The following DCLK1 variants were observed in gnomAD, a reference collection of about 807,000 sequenced individuals.
DCLK1 encodes doublecortin like kinase 1.
DCLK1 carries 16 observed loss-of-function variants against 86.2 expected under a neutral mutation model. The observed-to-expected ratio is 0.19, with a 90% confidence interval of 0.13 to 0.28. The LOEUF is 0.28. Among genes scored for constraint, DCLK1 ranks in the 10% least tolerant of loss-of-function variants. DCLK1 has a pLI of 1.00. For synonymous variants in DCLK1, 369 were observed against 370.5 expected, an observed-to-expected ratio of 1.00 and a Z score of 0.05; for missense variants, 590 against 940.2, an observed-to-expected ratio of 0.63 and a Z score of 4.87.
At chr13:35,848,038 C>CT (rs1305139537) in intron 6 of DCLK1, 2 of 985,136 alleles carry the variant, frequency 2.0e-6, no homozygotes, top group Non-Finnish European at 2.4e-6. Flanking sequence ...TTCCTAATAT[C>CT]TTTTTCTACA....
chr13:35,844,427 G>A (rs912042810), intron 6 of DCLK1, among the ~76,000 whole-genome samples: 5 of 152,102 alleles, frequency 3.3e-5, no homozygotes, highest in African/African-American at 4.8e-5. Context: ...TAGTTTTTCT[G>A]GCCTCAATTG....
intron 3 of DCLK1, among the ~76,000 whole-genome samples, chr13:36,086,396 C>T (rs1884600829): frequency 6.6e-6 from 1 of 151,540 alleles, no homozygotes; most frequent in African/African-American, 2.4e-5. Flanking sequence ...AGAAGTCAGC[C>T]TCAGACAACA....
intron 15 of DCLK1, among the ~76,000 whole-genome samples, chr13:35,803,124 G>A (rs58764008): frequency 0.026 from 3,932 of 152,302 alleles, 63 homozygotes; most frequent in African/African-American, 0.043. Flanking sequence ...GGGTGAAAGT[G>A]AGGATATCTG....
chr13:36,049,200 T>C (rs931416223), intron 3 of DCLK1, among the ~76,000 whole-genome samples: 4 of 152,180 alleles, frequency 2.6e-5, no homozygotes, highest in African/African-American at 7.2e-5. Context: ...AGATGCAGGA[T>C]TGAAGAGCCT....
rs1290371796 is a variant in DCLK1, at chr13:36,122,071, T to G, written c.376+3691A>C. The stretch of plus-strand genomic sequence containing the variant: ...AAAATTAATTTTAAAAAATTCATTA[T>G]AGCAAGGAGAGGCATAGAGAAAGCC... On this transcript the variant is annotated intron_variant, in intron 2 of 16. Transcript: ENST00000360631. Among the ~76,000 whole-genome samples, 4 of 152,216 alleles carry G rather than the reference T, an allele frequency of 2.6e-5. No homozygotes were observed. In the East Asian group the frequency reaches 7.7e-4, roughly 29 times the overall value.
chr13:36,107,228 C>T (rs184189324), intron 3 of DCLK1, among the ~76,000 whole-genome samples: 56 of 152,002 alleles, frequency 3.7e-4, no homozygotes, highest in African/African-American at 1.0e-3. Flanking sequence ...GGCTTACCAT[C>T]GAAATCAGTT....
Position 36,126,020 on chromosome 13 carries a change from T to C in DCLK1, c.118A>G (p.Ser40Gly). Residue 40 changes from serine to glycine, a missense_variant, in exon 2 of 17, where the codon AGC (serine) becomes GGC (glycine). Around this residue, in one of 6 missense-constraint regions of DCLK1, gnomAD observed 195 missense variants for 365.1 expected, o/e 0.53. Coordinates refer to ENST00000360631, the MANE Select transcript of DCLK1 (RefSeq NM_001330071.2). ...TGCAGCGTGCGGGTGCGGTAGAAGC[T>C]GCAGTGGGCGCTGTGCGTCGGGCTC... ...LPSPTHSAHC[S>G]FYRTRTLQTL... is the part of the protein sequence containing the mutation. 6.2e-7 allele frequency: 1 copy of C among 1,614,010 alleles called. No homozygotes were observed. Among genetic ancestry groups the C allele is most frequent in the Non-Finnish European group, 8.5e-7 (1 of 1,180,010 alleles).
chr13:35,966,649 C>A (rs923823209), intron 3 of DCLK1, among the ~76,000 whole-genome samples: 15 of 151,940 alleles, frequency 9.9e-5, no homozygotes, highest in Non-Finnish European at 1.9e-4. Context: ...GGATTGCAGG[C>A]GCGCACCGCC....
At chr13:36,068,104 A>C (rs749061837) in intron 3 of DCLK1, among the ~76,000 whole-genome samples, 1 of 152,196 alleles carries the variant, frequency 6.6e-6, no homozygotes, top group Non-Finnish European at 1.5e-5. Context: ...AATCCACAAG[A>C]CATCTTTCCA....
intron 3 of DCLK1, among the ~76,000 whole-genome samples, chr13:35,990,060 G>C (rs1880152190): frequency 6.6e-6 from 1 of 152,016 alleles, no homozygotes; most frequent in Non-Finnish European, 1.5e-5. Flanking sequence ...AATTATATCT[G>C]AAGGTGGCAC....
intron 3 of DCLK1, among the ~76,000 whole-genome samples, chr13:36,031,508 C>T (rs536998795): frequency 1.3e-4 from 20 of 152,260 alleles, no homozygotes; most frequent in African/African-American, 4.3e-4. Context: ...TCATCAAATG[C>T]GATTTTAAAA....
At chr13:35,890,812 T>G (rs1408849640) in intron 4 of DCLK1, among the ~76,000 whole-genome samples, 2 of 151,926 alleles carry the variant, frequency 1.3e-5, no homozygotes, top group Non-Finnish European at 2.9e-5. Flanking sequence ...TTTTTCCATA[T>G]ATTTAATAAG....
In DCLK1 at chr13:35,963,639, T is replaced by G. The variant is rs150507421; in HGVS notation, c.724-16182A>C. 1.9e-3 allele frequency among the ~76,000 whole-genome samples: 294 copies of G among 152,326 alleles called. 2 individuals carry two copies. The highest frequency in any genetic ancestry group is 6.6e-3 in the African/African-American group (275 of 41,580). On this transcript the variant is annotated intron_variant, in intron 3 of 16. Coordinates refer to ENST00000360631, the MANE Select transcript of DCLK1 (RefSeq NM_001330071.2). ...TTGTATCCCCACCCAAATCTCATCTTGAATGGTAATCTTCAGGTGTTTAGG... is the reference window on the plus strand; with the variant it reads ...TTGTATCCCCACCCAAATCTCATCTGGAATGGTAATCTTCAGGTGTTTAGG...
chr13:35,945,434 G>T (rs1877326877), intron 4 of DCLK1, among the ~76,000 whole-genome samples: 1 of 152,130 alleles, frequency 6.6e-6, no homozygotes, highest in Admixed American at 6.5e-5. Context: ...GGGAGAAGGG[G>T]CCCCAAGTCC....
intron 4 of DCLK1, among the ~76,000 whole-genome samples, chr13:35,905,767 G>A (rs941571109): frequency 3.3e-5 from 5 of 151,932 alleles, no homozygotes; most frequent in African/African-American, 1.2e-4. Context: ...CCAACATGGT[G>A]AAACCCTGCC....
At chr13:35,930,895 C>T (rs542545507) in intron 4 of DCLK1, among the ~76,000 whole-genome samples, 1 of 152,296 alleles carries the variant, frequency 6.6e-6, no homozygotes, top group East Asian at 1.9e-4. Flanking sequence ...TTATAAAAGC[C>T]TCTTCTCATG....
chr13:36,036,124 A>G (rs762775261), intron 3 of DCLK1, among the ~76,000 whole-genome samples: 14 of 152,108 alleles, frequency 9.2e-5, no homozygotes, highest in Non-Finnish European at 1.8e-4. Flanking sequence ...ATGTCAGTTT[A>G]CCATTGCCAT....
chr13:36,027,347 C>T (rs890960706), intron 3 of DCLK1, among the ~76,000 whole-genome samples: 17 of 152,206 alleles, frequency 1.1e-4, no homozygotes, highest in African/African-American at 3.9e-4. Flanking sequence ...TGGCATGAGG[C>T]GGAGCTCATG....
intron 4 of DCLK1, among the ~76,000 whole-genome samples, chr13:35,911,291 C>CAA (rs11295431): frequency 4.2e-5 from 5 of 119,770 alleles, no homozygotes; most frequent in Non-Finnish European, 9.1e-5. Flanking sequence ...GAGATTCCGT[C>CAA]AAAAAAAAAA....
Sources: gnomAD v4.1 joint callset for allele counts (sites outside exome capture counted in the v4.1 genomes callset) on GRCh38, gnomAD v4.1.1 for gene constraint, gnomAD v4.1.1 regional missense constraint, MANE v1.5 for transcripts, NCBI Gene and HGNC (gene_info 2026-07-23, HGNC 2026-07-21) for gene names.